ZNF526: variants seen among roughly 807,000 people sequenced by gnomAD.
ZNF526 encodes zinc finger protein 526.
ZNF526 carries 16 observed loss-of-function variants against 32.4 expected under a neutral mutation model. That is an observed-to-expected ratio of 0.49 (90% CI 0.33 to 0.75). ZNF526 has a LOEUF of 0.75. ZNF526 is among the 30% of genes least tolerant of loss of function. The pLI is 0.02. For synonymous variants in ZNF526, 355 were observed against 363.4 expected (o/e 0.98, Z 0.26); for missense variants, 838 against 920.7 (o/e 0.91, Z 1.16).
At chr19:42,223,166 G>A (rs551357132) in intron 1 of ZNF526, among the ~76,000 whole-genome samples, 2 of 152,354 alleles carry the variant, frequency 1.3e-5, no homozygotes, top group South Asian at 4.1e-4. Flanking sequence ...CGCAGGCAAA[G>A]GCTATGGTAT....
intron 1 of ZNF526, among the ~76,000 whole-genome samples, chr19:42,222,059 G>A (rs999636174): frequency 2.0e-5 from 3 of 151,704 alleles, no homozygotes; most frequent in East Asian, 1.9e-4. Flanking sequence ...AACTGCTACC[G>A]TCTAGGTGCT....
intron 1 of ZNF526, among the ~76,000 whole-genome samples, chr19:42,223,921 G>T (rs1276950180): frequency 6.9e-6 from 1 of 145,624 alleles, no homozygotes; most frequent in Non-Finnish European, 1.5e-5. Flanking sequence ...ATCACCTGAG[G>T]TCAGGAGTTC....
Position 42,225,235 on chromosome 19 carries a change from T to C in ZNF526, c.832T>C (p.Cys278Arg). The C allele has an allele frequency of 6.2e-7, 1 of 1,614,126 alleles. No homozygotes were observed. Among genetic ancestry groups the C allele is most frequent in the Non-Finnish European group, 8.5e-7 (1 of 1,179,978 alleles). ...TGGCTGGGCTCAGGGCTGCGGGGACTGTCCCCAGCACCAGCCCTCAGCAGG... is the reference window on the plus strand; with the variant it reads ...TGGCTGGGCTCAGGGCTGCGGGGACCGTCCCCAGCACCAGCCCTCAGCAGG... ...TAGWAQGCGD[C>R]PQHQPSAGAR... The change falls in exon 3 of 3, where the codon TGT becomes CGT. Residue 278 changes from cysteine (C) to arginine (R), a missense_variant. Transcript: ENST00000301215.
rs1321293635 is a variant in ZNF526, at chr19:42,225,984, C to G, written c.1581C>G (p.Pro527=). 6.2e-7 allele frequency: 1 copy of G among 1,613,994 alleles called. No homozygotes were observed. Among genetic ancestry groups the G allele is most frequent in the Non-Finnish European group, 8.5e-7 (1 of 1,180,032 alleles). The part of the protein sequence containing the change: ...RHQLTHTGAR[P]YQCLDCGKRF... ...AGCTGACCCATACGGGTGCACGTCC[C>G]TACCAATGCCTGGACTGTGGCAAGC... Residue 527 remains proline (P), a synonymous_variant, in exon 3 of 3, where the codon CCC becomes CCG. Coordinates refer to ENST00000301215, the MANE Select transcript of ZNF526 (RefSeq NM_133444.3).
Position 42,221,841 on chromosome 19 carries a change from C to A in ZNF526, c.-109+1454C>A, listed in dbSNP as rs527495145. Reference sequence around the variant, plus strand: ...CAAAAGGAGGAAAAAAAAAAAAAAACCTCTCAAGGTCTCACTTCCCAAGGG... The same window carrying A: ...CAAAAGGAGGAAAAAAAAAAAAAAAACTCTCAAGGTCTCACTTCCCAAGGG... On this transcript the variant is annotated intron_variant, in intron 1 of 2. Transcript: ENST00000301215. Among the ~76,000 whole-genome samples, 130 of 146,916 alleles carry A rather than the reference C, an allele frequency of 8.8e-4. 1 individual carries two copies. Among genetic ancestry groups the A allele is most frequent in the South Asian group, 7.4e-3 (34 of 4,624 alleles).
At position 42,226,611 on chromosome 19, in the gene ZNF526, A is replaced by G; in HGVS notation, c.*195A>G. The G allele has an allele frequency of 1.3e-6, 1 of 760,920 alleles. No homozygotes were observed. 47.1% of individuals were successfully genotyped at this position (760,920 alleles called of 1,614,324 possible). On this transcript the variant is annotated 3_prime_UTR_variant, in exon 3 of 3. Coordinates refer to ENST00000301215, the MANE Select transcript of ZNF526 (RefSeq NM_133444.3). ...TTGTCATCTTTCTCTGCCTGAGGGGAAACTGAAGCTCTGAAATGCGATGTG... is the reference window on the plus strand; with the variant it reads ...TTGTCATCTTTCTCTGCCTGAGGGGGAACTGAAGCTCTGAAATGCGATGTG...
At position 42,225,924 on chromosome 19, in the gene ZNF526, G is replaced by A; in HGVS notation, c.1521G>A (p.Lys507=). 2 of 1,614,178 alleles carry A rather than the reference G, an allele frequency of 1.2e-6. No individual in the cohort carries two copies. Among genetic ancestry groups the A allele is most frequent in the Non-Finnish European group, 1.7e-6 (2 of 1,180,032 alleles). Residue 507 remains lysine, a synonymous_variant, in exon 3 of 3, where the codon AAG becomes AAA. Transcript: ENST00000301215. ...ERPFQCHSCG[K]TFASLANLSR... is the part of the protein sequence containing the mutation. ...CCTTCCAGTGCCACTCATGTGGCAA[G>A]ACCTTTGCTTCTTTGGCCAACCTCA...
At position 42,226,219 on chromosome 19, in the gene ZNF526, C is replaced by A. The variant is rs747068557; in HGVS notation, c.1816C>A (p.Pro606Thr). ...ARARTLTLQP[P>T]RSPSPAPPPP... The stretch of plus-strand genomic sequence containing the variant: ...AGCTCGGACTTTGACGCTACAGCCT[C>A]CCAGATCACCATCTCCTGCCCCACC... The change falls in exon 3 of 3, where the codon CCC (proline) becomes ACC (threonine). Residue 606 changes from proline to threonine, a missense_variant. By Grantham distance (38) the Pro-to-Thr change is conservative. Transcript: ENST00000301215. The A allele has an allele frequency of 1.2e-6, 2 of 1,612,388 alleles. No homozygotes were observed. Among genetic ancestry groups the A allele is most frequent in the Admixed American group, 1.7e-5 (1 of 60,026 alleles).
rs780789507 is a variant in ZNF526, at chr19:42,225,231, G to A, written c.828G>A (p.Gly276=). The A allele has an allele frequency of 1.7e-5, 27 of 1,613,998 alleles. No individual in the cohort carries two copies. The Middle Eastern group carries it at 4.9e-4, about 29-fold the overall frequency. ...ESTAGWAQGC[G]DCPQHQPSAG... is the part of the protein sequence containing the mutation. ...CAGCTGGCTGGGCTCAGGGCTGCGG[G>A]GACTGTCCCCAGCACCAGCCCTCAG... Residue 276 remains glycine (G), a synonymous_variant, in exon 3 of 3, where the codon GGG becomes GGA. Coordinates refer to ENST00000301215, the MANE Select transcript of ZNF526 (RefSeq NM_133444.3).
At position 42,225,740 on chromosome 19, in the gene ZNF526, A is replaced by C; in HGVS notation, c.1337A>C (p.Gln446Pro). Residue 446 changes from glutamine to proline, a missense_variant, in exon 3 of 3, where the codon CAG (glutamine) becomes CCG (proline). Transcript: ENST00000301215. ...PAPPAQLPCP[Q>P]CSKSFASASR... is the part of the protein sequence containing the mutation. ...CCACCTGCCCAGCTGCCCTGCCCAC[A>C]GTGCTCCAAGTCCTTTGCCTCAGCT... 7.2e-7 allele frequency: 1 copy of C among 1,393,106 alleles called. No homozygotes were observed. The highest frequency in any genetic ancestry group is 1.1e-5 in the South Asian group (1 of 88,196). The allele number at this position is 1,393,106 out of a possible 1,614,324, so 86.3% of individuals were successfully genotyped here. A position where few individuals can be genotyped will look rare whatever the true frequency, so the allele number is the denominator to read the frequency against.
In ZNF526 at chr19:42,225,180, T is replaced by C. The variant is rs777650203; in HGVS notation, c.777T>C (p.Asp259=). 8 of 1,614,080 alleles carry C rather than the reference T, an allele frequency of 5.0e-6. No individual in the cohort carries two copies. The East Asian group carries it at 1.6e-4, about 31-fold the overall frequency. ...AGGAGGCCATGGCAGAGGTCGGTGA[T>C]GATGCTGTGGGAGGTGACGAGTCCA... ...EDEEAMAEVG[D]DAVGGDESTA... The change falls in exon 3 of 3, where the codon GAT becomes GAC. Residue 259 remains aspartate, a synonymous_variant. Transcript: ENST00000301215.
chr19:42,225,440 C>T lies in ZNF526; in HGVS notation c.1037C>T (p.Ser346Leu), dbSNP rs781434296. The change falls in exon 3 of 3, where the codon TCG becomes TTG. Residue 346 changes from serine to leucine, a missense_variant. Ser to Leu is a moderately radical substitution (Grantham distance 145, BLOSUM62 -2). Coordinates refer to ENST00000301215, the MANE Select transcript of ZNF526 (RefSeq NM_133444.3). The part of the protein sequence containing the change: ...TCSKVFKKAA[S>L]LEQHLRLHRG... ...TCCAAGGTCTTCAAGAAAGCAGCAT[C>T]GCTTGAGCAGCACTTGCGGCTGCAT... 2.5e-6 allele frequency: 4 copies of T among 1,614,154 alleles called. No individual in the cohort carries two copies. The highest frequency in any genetic ancestry group is 3.4e-6 in the Non-Finnish European group (4 of 1,180,042).
At chr19:42,223,974 AATATAT>A (rs35211089) in intron 1 of ZNF526, among the ~76,000 whole-genome samples, 74 of 110,616 alleles carry the variant, frequency 6.7e-4, no homozygotes, top group East Asian at 4.5e-3. Flanking sequence ...TCTCTACTAA[AATATAT>A]ATATATATAT....
chr19:42,224,430 C>G lies in ZNF526; in HGVS notation c.27C>G (p.Ala9=). Residue 9 remains alanine (A), a synonymous_variant, in exon 3 of 3, where the codon GCC becomes GCG. Coordinates refer to ENST00000301215, the MANE Select transcript of ZNF526 (RefSeq NM_133444.3). Reference sequence around the variant, plus strand: ...TGGCAGAGGTGGTGGCTGAGGTGGCCGAGATGCCAACACAGATGTCACCAG... The same window carrying G: ...TGGCAGAGGTGGTGGCTGAGGTGGCGGAGATGCCAACACAGATGTCACCAG... MAEVVAEV[A]EMPTQMSPGA... The G allele has an allele frequency of 6.2e-7, 1 of 1,614,080 alleles. No individual in the cohort carries two copies. The highest frequency in any genetic ancestry group is 8.5e-7 in the Non-Finnish European group (1 of 1,180,020).
chr19:42,223,974 A>AATATATATATATATAT (rs35211089), intron 1 of ZNF526, among the ~76,000 whole-genome samples: 34 of 110,608 alleles, frequency 3.1e-4, no homozygotes, highest in South Asian at 6.9e-4. Context: ...TCTCTACTAA[A>AATATATATATATATAT]ATATATATAT....
At position 42,224,631 on chromosome 19, in the gene ZNF526, G is replaced by A; in HGVS notation, c.228G>A (p.Gln76=). ...YNTLEEVLSH[Q]EQHMLAVSEE... is the part of the protein sequence containing the mutation. ...CACTGGAGGAAGTCCTCTCACACCA[G>A]GAGCAGCACATGCTTGCTGTCTCAG... The change falls in exon 3 of 3, where the codon CAG becomes CAA. Residue 76 remains glutamine, a synonymous_variant. Coordinates refer to ENST00000301215, the MANE Select transcript of ZNF526 (RefSeq NM_133444.3). 2 of 1,614,232 alleles carry A rather than the reference G, an allele frequency of 1.2e-6. No individual in the cohort carries two copies. The highest frequency in any genetic ancestry group is 2.2e-5 in the East Asian group (1 of 44,886).
In ZNF526 at chr19:42,228,024, G is replaced by A. The variant is rs532586095; in HGVS notation, c.*1608G>A. ...GACCTGGGCAAGAGAGAGAGACTTT[G>A]TCTCTATTAAAAATAAAAATGATTG... On this transcript the variant is annotated 3_prime_UTR_variant, in exon 3 of 3. Coordinates refer to ENST00000301215, the MANE Select transcript of ZNF526 (RefSeq NM_133444.3). The A allele has an allele frequency of 1.3e-5, 2 of 152,076 alleles. No homozygotes were observed. Among genetic ancestry groups the A allele is most frequent in the South Asian group, 4.2e-4 (2 of 4,808 alleles). The allele number at this position is 152,076 out of a possible 1,614,324, so 9.4% of individuals were successfully genotyped here.
At position 42,226,614 on chromosome 19, in the gene ZNF526, CTG is replaced by C. The variant is rs1370083668; in HGVS notation, c.*199_*200del. ...TCATCTTTCTCTGCCTGAGGGGAAA[CTG>C]AAGCTCTGAAATGCGATGTGATCTG... On this transcript the variant is annotated 3_prime_UTR_variant, in exon 3 of 3. Transcript: ENST00000301215. 3 of 749,132 alleles carry C rather than the reference CTG, an allele frequency of 4.0e-6. No individual in the cohort carries two copies. The highest frequency in any genetic ancestry group is 6.9e-6 in the Non-Finnish European group (3 of 434,468). The allele number at this position is 749,132 out of a possible 1,614,324, so 46.4% of individuals were successfully genotyped here.
rs1030353349 is a variant in ZNF526, at chr19:42,224,206, C to T, written c.-108-9C>T. On this transcript the variant is annotated splice_polypyrimidine_tract_variant and intron_variant, in intron 1 of 2. Transcript: ENST00000301215. ...AGAGGCTGGGCTGAGTGGTGTTTCT[C>T]TCCTGCAGGCTGCCGTGGGGTGTGT... 3.3e-6 allele frequency: 2 copies of T among 602,092 alleles called. No individual in the cohort carries two copies. Among genetic ancestry groups the T allele is most frequent in the Non-Finnish European group, 6.0e-6 (2 of 333,596 alleles). The allele number at this position is 602,092 out of a possible 1,614,324, so 37.3% of individuals were successfully genotyped here.
Sources: gnomAD v4.1 joint callset for allele counts (sites outside exome capture counted in the v4.1 genomes callset) on GRCh38, gnomAD v4.1.1 for gene constraint, MANE v1.5 for transcripts, NCBI Gene and HGNC (gene_info 2026-07-23, HGNC 2026-07-21) for gene names.